Variants in LRP5 observed in about 807,000 individuals in gnomAD.
The protein encoded by LRP5 is LDL receptor related protein 5.
LRP5 carries 62 observed loss-of-function variants against 154.1 expected under a neutral mutation model. That is an observed-to-expected ratio of 0.40 (90% CI 0.33 to 0.50). The LOEUF (loss-of-function observed/expected upper bound fraction) is 0.50, where lower values mean the gene tolerates loss of function less well. LRP5 is among the 20% of genes least tolerant of loss of function. The pLI is 0.55. For synonymous variants in LRP5, 966 were observed against 1,011.5 expected (o/e 0.96, Z 0.85); for missense variants, 1,915 against 2,336.7 (o/e 0.82, Z 3.72).
the LRP5 span, among the ~76,000 whole-genome samples, chr11:68,299,448 T>C: frequency 6.6e-6 from 1 of 151,432 alleles, no homozygotes; most frequent in Non-Finnish European, 1.5e-5. Context: ...GCAGCCAGTG[T>C]AGACAGTGGG....
chr11:68,423,122 C>T lies in LRP5; in HGVS notation c.3028-367C>T, dbSNP rs533024603. ...ACTGTCAATGGGGCCTTCATGGGAG[C>T]GCCAGTCTAGTGATGCACAGCTGGG... On this transcript the variant is annotated intron_variant, in intron 13 of 22. Coordinates refer to ENST00000294304, the MANE Select transcript of LRP5 (RefSeq NM_002335.4). This position sits in a 1 kb window ranked among gnomAD's most constrained non-coding sequence, Gnocchi z 4.7. Among the ~76,000 whole-genome samples, 14 of 152,270 alleles carry T rather than the reference C, an allele frequency of 9.2e-5. No homozygotes were observed. The highest frequency in any genetic ancestry group is 1.3e-4 in the Non-Finnish European group (9 of 68,026).
the LRP5 span, among the ~76,000 whole-genome samples, chr11:68,305,635 G>T: frequency 6.6e-6 from 1 of 151,986 alleles, no homozygotes; most frequent in Non-Finnish European, 1.5e-5. Flanking sequence ...TAGAAATGGG[G>T]TTTCACCATG....
chr11:68,397,394 C>T (rs2098650058), intron 7 of LRP5, among the ~76,000 whole-genome samples: 1 of 152,174 alleles, frequency 6.6e-6, no homozygotes, highest in African/African-American at 2.4e-5. Context: ...CTGGCCGTGC[C>T]CTCATGCTGG....
chr11:68,424,073 C>T (rs1218210074), intron 14 of LRP5, among the ~76,000 whole-genome samples: 1 of 152,198 alleles, frequency 6.6e-6, no homozygotes, highest in Non-Finnish European at 1.5e-5. Context: ...GCTTCTTCCT[C>T]CCAGAGGCCC....
At chr11:68,439,159 C>T (rs2098676726) in intron 20 of LRP5, among the ~76,000 whole-genome samples, 1 of 152,218 alleles carries the variant, frequency 6.6e-6, no homozygotes, top group Admixed American at 6.5e-5. Flanking sequence ...TGGGCAGCCG[C>T]ACCGCAGAGC....
At chr11:68,352,953 G>A (rs1439476011) in intron 2 of LRP5, among the ~76,000 whole-genome samples, 1 of 151,828 alleles carries the variant, frequency 6.6e-6, no homozygotes, top group Non-Finnish European at 1.5e-5. Context: ...GTCCAGTTGA[G>A]AGGTGCTAGG....
intron 21 of LRP5, among the ~76,000 whole-genome samples, chr11:68,443,581 ATATATTT>A (rs1276552794): frequency 1.6e-4 from 6 of 36,816 alleles, no homozygotes; most frequent in Non-Finnish European, 3.0e-4. Context: ...ATATATATAT[ATATATTT>A]TTTTTTTTTT....
At chr11:68,427,308 C>T (rs1215550347) in intron 16 of LRP5, among the ~76,000 whole-genome samples, 1 of 152,106 alleles carries the variant, frequency 6.6e-6, no homozygotes, top group African/African-American at 2.4e-5. Context: ...TTCCTCCCCT[C>T]CATGGTAACC....
intron 1 of LRP5, among the ~76,000 whole-genome samples, chr11:68,324,362 G>T (rs532802901): frequency 6.6e-6 from 1 of 152,360 alleles, no homozygotes; most frequent in South Asian, 2.1e-4. Context: ...TGTGTGCCCA[G>T]TGTGGCCCTG....
the LRP5 span, among the ~76,000 whole-genome samples, chr11:68,307,354 T>A: frequency 6.6e-6 from 1 of 151,688 alleles, no homozygotes; most frequent in African/African-American, 2.4e-5. Flanking sequence ...AGTGCTAAAA[T>A]TACAGGCTTT....
upstream of LRP5, among the ~76,000 whole-genome samples, chr11:68,311,839 C>T (rs1214835851): frequency 6.6e-6 from 1 of 152,256 alleles, no homozygotes; most frequent in African/African-American, 2.4e-5. Flanking sequence ...CCAACTTGGG[C>T]TTGCTGGTTC....
chr11:68,369,043 G>A (rs1421014145), intron 5 of LRP5, among the ~76,000 whole-genome samples: 1 of 152,052 alleles, frequency 6.6e-6, no homozygotes, highest in Admixed American at 6.5e-5. Context: ...TCACCATGTT[G>A]GCTAGGCTGG....
At chr11:68,403,724 TG>T (rs779651205) in intron 8 of LRP5, 25 bp downstream of exon 8, 10 of 1,612,134 alleles carry the variant, frequency 6.2e-6, no homozygotes, top group Non-Finnish European at 8.5e-6. Flanking sequence ...TCCCAAGCCA[TG>T]GCTCAGCCAT....
At chr11:68,351,649 C>T (rs2098618675) in intron 2 of LRP5, among the ~76,000 whole-genome samples, 1 of 152,188 alleles carries the variant, frequency 6.6e-6, no homozygotes, top group Non-Finnish European at 1.5e-5. Context: ...GCATCCACTG[C>T]ATTTGTGAGC....
intron 18 of LRP5, among the ~76,000 whole-genome samples, chr11:68,434,898 C>T (rs2098674046): frequency 6.6e-6 from 1 of 152,216 alleles, no homozygotes; most frequent in African/African-American, 2.4e-5. Flanking sequence ...AACCTCCCTG[C>T]ATGTTTTTCT....
chr11:68,320,702 C>T (rs2098596265), intron 1 of LRP5, among the ~76,000 whole-genome samples: 2 of 151,990 alleles, frequency 1.3e-5, no homozygotes, highest in Admixed American at 6.6e-5. Flanking sequence ...CCTCAAGTGA[C>T]CTACCCATCT....
At chr11:68,314,729 C>T (rs1268724213) in intron 1 of LRP5, among the ~76,000 whole-genome samples, 1 of 152,242 alleles carries the variant, frequency 6.6e-6, no homozygotes, top group Non-Finnish European at 1.5e-5. Flanking sequence ...CCTGGAGGTT[C>T]CTCCTGTAGA....
At chr11:68,394,745 T>G (rs1164308266) in intron 7 of LRP5, among the ~76,000 whole-genome samples, 1 of 151,338 alleles carries the variant, frequency 6.6e-6, no homozygotes, top group Non-Finnish European at 1.5e-5. Context: ...ATTACAGGCG[T>G]GAGCCACCGC....
intron 13 of LRP5, among the ~76,000 whole-genome samples, chr11:68,421,679 A>G (rs2098665672): frequency 6.8e-6 from 1 of 146,208 alleles, no homozygotes; most frequent in African/African-American, 2.5e-5. Context: ...GCAGCTGCCC[A>G]GCAAGGCTGT....
Sources: gnomAD v4.1 joint callset for allele counts (sites outside exome capture counted in the v4.1 genomes callset) on GRCh38, gnomAD v4.1.1 for gene constraint, Gnocchi (gnomAD v3.1) non-coding constraint, MANE v1.5 for transcripts, NCBI Gene and HGNC (gene_info 2026-07-23, HGNC 2026-07-21) for gene names.